Variants in CCDC171 observed in about 807,000 individuals in gnomAD.
The protein encoded by CCDC171 is coiled-coil domain containing 171, also known as coiled-coil domain-containing protein 171.
CCDC171 carries 177 observed loss-of-function variants against 168.2 expected under a neutral mutation model. That is an observed-to-expected ratio of 1.05 (90% CI 0.93 to 1.19). The LOEUF (loss-of-function observed/expected upper bound fraction) is 1.19. Ranked by LOEUF, CCDC171 falls within the 50% of genes most tolerant of loss-of-function variation. CCDC171 has a pLI of 0.00. For synonymous variants in CCDC171, 687 were observed against 540.8 expected (o/e 1.27, Z -3.75); for missense variants, 1,991 against 1,539.0 (o/e 1.29, Z -4.91).
chr9:15,596,852 G>C (rs1256303229), intron 6 of CCDC171, among the ~76,000 whole-genome samples: 1 of 152,090 alleles, frequency 6.6e-6, no homozygotes, highest in African/African-American at 2.4e-5. Context: ...CCTTGAAGAG[G>C]TTCTTCACAT....
the CCDC171 span, among the ~76,000 whole-genome samples, chr9:16,092,463 C>T: frequency 5.3e-5 from 8 of 152,314 alleles, no homozygotes; most frequent in African/African-American, 1.9e-4. Flanking sequence ...CTGTTTTCTG[C>T]AGTGATGCTT....
intron 21 of CCDC171, among the ~76,000 whole-genome samples, chr9:15,810,223 A>C (rs2059279991): frequency 2.0e-5 from 3 of 152,154 alleles, no homozygotes; most frequent in Non-Finnish European, 2.9e-5. Context: ...TGATTGGTGC[A>C]TCCACCAACC....
downstream of CCDC171, among the ~76,000 whole-genome samples, chr9:15,976,532 A>G (rs1260545511): frequency 6.6e-6 from 1 of 152,078 alleles, no homozygotes; most frequent in African/African-American, 2.4e-5. Context: ...TCTACTTTAA[A>G]TGATTGTTTT....
intron 25 of CCDC171, among the ~76,000 whole-genome samples, chr9:15,952,428 C>T (rs572788545): frequency 2.1e-4 from 32 of 152,168 alleles, no homozygotes; most frequent in South Asian, 4.1e-4. Context: ...GACAGAGTCT[C>T]GCTGTGTTTC....
chr9:16,022,176 C>T (rs1364179201), intron 4 of CCDC171, among the ~76,000 whole-genome samples: 1 of 152,174 alleles, frequency 6.6e-6, no homozygotes, highest in Non-Finnish European at 1.5e-5. Flanking sequence ...GCATGGAACC[C>T]CATATCCTAA....
At chr9:15,772,219 C>T (rs1396935115) in intron 18 of CCDC171, among the ~76,000 whole-genome samples, 9 of 152,104 alleles carry the variant, frequency 5.9e-5, no homozygotes, top group South Asian at 2.1e-4. Flanking sequence ...TGTTTAAGTT[C>T]GTGGATCGAT....
At chr9:15,878,926 A>T (rs1390185811) in intron 24 of CCDC171, among the ~76,000 whole-genome samples, 1 of 152,140 alleles carries the variant, frequency 6.6e-6, no homozygotes, top group Non-Finnish European at 1.5e-5. Flanking sequence ...AAATGATGAG[A>T]ACACATGGAC....
intron 25 of CCDC171, among the ~76,000 whole-genome samples, chr9:15,928,728 C>G (rs1022330246): frequency 1.3e-4 from 19 of 151,716 alleles, no homozygotes; most frequent in Admixed American, 1.1e-3. Context: ...ACTAATAGAG[C>G]TGAATAAGGA....
the CCDC171 span, among the ~76,000 whole-genome samples, chr9:16,097,668 C>G: frequency 1.3e-5 from 2 of 152,114 alleles, no homozygotes; most frequent in African/African-American, 4.8e-5. Context: ...GAGGCATGAC[C>G]ATATACTTCT....
At chr9:15,648,995 C>T (rs1435790163) in intron 7 of CCDC171, among the ~76,000 whole-genome samples, 1 of 152,170 alleles carries the variant, frequency 6.6e-6, no homozygotes, top group South Asian at 2.1e-4. Flanking sequence ...TGACTTCAAA[C>T]TATACTACAA....
intron 3 of CCDC171, among the ~76,000 whole-genome samples, chr9:16,010,760 A>AT (rs56770483): frequency 6.7e-6 from 1 of 148,312 alleles, no homozygotes; most frequent in Non-Finnish European, 1.5e-5. Flanking sequence ...AAAAAAAAAA[A>AT]CCCAAACCTC....
intron 7 of CCDC171, among the ~76,000 whole-genome samples, chr9:15,640,527 A>G (rs1348616153): frequency 6.6e-6 from 1 of 152,118 alleles, no homozygotes; most frequent in Admixed American, 6.6e-5. Flanking sequence ...TTCTTTGAAA[A>G]CTGTAGCATA....
chr9:15,757,508 A>G (rs1376156314), intron 18 of CCDC171, among the ~76,000 whole-genome samples: 1 of 152,202 alleles, frequency 6.6e-6, no homozygotes, highest in African/African-American at 2.4e-5. Context: ...CAGAGCATAA[A>G]AGTTCAGAGA....
chr9:15,885,234 A>C lies in CCDC171; in HGVS notation c.3600+10571A>C, dbSNP rs76813066. Among the ~76,000 whole-genome samples the C allele has an allele frequency of 1.5e-3, 233 of 152,324 alleles. 1 individual carries two copies. Among genetic ancestry groups the C allele is most frequent in the African/African-American group, 5.5e-3 (228 of 41,588 alleles). On this transcript the variant is annotated intron_variant, in intron 24 of 25. Coordinates refer to ENST00000380701, the MANE Select transcript of CCDC171 (RefSeq NM_173550.4). ...AAAAACAAAAATGACAAAACGTATC[A>C]AAGTACAGTACAGAATTTTGTTTTT... is the stretch of plus-strand genomic sequence containing the variant.
At chr9:15,598,281 C>G (rs984774199) in intron 6 of CCDC171, among the ~76,000 whole-genome samples, 1 of 151,910 alleles carries the variant, frequency 6.6e-6, no homozygotes, top group Non-Finnish European at 1.5e-5. Context: ...CTCTTGTGGG[C>G]ATTTAGTGCT....
intron 21 of CCDC171, among the ~76,000 whole-genome samples, chr9:15,828,252 A>G (rs1001107461): frequency 1.3e-5 from 2 of 152,030 alleles, no homozygotes; most frequent in Non-Finnish European, 2.9e-5. Flanking sequence ...TAGATGAAAC[A>G]TCTTGAAAGC....
chr9:15,909,320 T>G (rs915436713), intron 24 of CCDC171, among the ~76,000 whole-genome samples: 1 of 152,144 alleles, frequency 6.6e-6, no homozygotes, highest in African/African-American at 2.4e-5. Context: ...CCTTTCTACT[T>G]TCTATTCCTT....
chr9:15,791,538 C>T (rs1269713079), intron 21 of CCDC171, among the ~76,000 whole-genome samples: 1 of 152,200 alleles, frequency 6.6e-6, no homozygotes, highest in Non-Finnish European at 1.5e-5. Flanking sequence ...ATGTCATCTG[C>T]AAACAGGGAC....
chr9:15,891,162 A>G (rs1251996548), intron 24 of CCDC171, among the ~76,000 whole-genome samples: 1 of 152,200 alleles, frequency 6.6e-6, no homozygotes, highest in East Asian at 1.9e-4. Flanking sequence ...GCTGAAATTC[A>G]TAAATAAAAC....
Sources: gnomAD v4.1 joint callset for allele counts (sites outside exome capture counted in the v4.1 genomes callset) on GRCh38, gnomAD v4.1.1 for gene constraint, MANE v1.5 for transcripts, NCBI Gene and HGNC (gene_info 2026-07-23, HGNC 2026-07-21) for gene names.